Variants in ARHGEF38 observed in about 807,000 individuals in gnomAD.
ARHGEF38 encodes Rho guanine nucleotide exchange factor 38.
A neutral mutation model predicts 79.9 loss-of-function variants in ARHGEF38; 79 were observed. The observed-to-expected ratio is 0.99, with a 90% confidence interval of 0.82 to 1.19. The LOEUF (loss-of-function observed/expected upper bound fraction) is 1.19, where lower values mean the gene tolerates loss of function less well. Among genes scored for constraint, ARHGEF38 ranks in the 50% most tolerant of loss-of-function variants. ARHGEF38 has a pLI of 0.00. For missense variants in ARHGEF38, 962 were observed against 907.2 expected, an observed-to-expected ratio of 1.06 and a Z score of -0.78; for synonymous variants, 366 against 328.3, an observed-to-expected ratio of 1.11 and a Z score of -1.24.
chr4:105,615,218 T>G (rs569989389), intron 3 of ARHGEF38, among the ~76,000 whole-genome samples: 1 of 152,250 alleles, frequency 6.6e-6, no homozygotes, highest in South Asian at 2.1e-4. Context: ...TGGCAGCATT[T>G]GGAAATGAAG....
chr4:105,674,005 A>G (rs1731040264), intron 13 of ARHGEF38, among the ~76,000 whole-genome samples: 1 of 152,166 alleles, frequency 6.6e-6, no homozygotes, highest in South Asian at 2.1e-4. Context: ...GAAGATTAAC[A>G]TATATTATGA....
chr4:105,663,998 A>G (rs1336730984), intron 10 of ARHGEF38, among the ~76,000 whole-genome samples: 1 of 151,624 alleles, frequency 6.6e-6, no homozygotes, highest in Non-Finnish European at 1.5e-5. Flanking sequence ...ACAAAACAAA[A>G]CAAAAAAAAA....
At chr4:105,647,114 A>G (rs1729876312) in intron 6 of ARHGEF38, among the ~76,000 whole-genome samples, 2 of 152,176 alleles carry the variant, frequency 1.3e-5, no homozygotes, top group African/African-American at 4.8e-5. Flanking sequence ...GTTTTAGATA[A>G]TGGCTGTTAC....
chr4:105,636,017 G>T (rs957386275), intron 4 of ARHGEF38, among the ~76,000 whole-genome samples: 1 of 151,926 alleles, frequency 6.6e-6, no homozygotes, highest in Non-Finnish European at 1.5e-5. Context: ...TTTACAAAAT[G>T]CAGCTTAGGC....
intron 1 of ARHGEF38, among the ~76,000 whole-genome samples, chr4:105,557,411 A>G (rs746753206): frequency 2.7e-4 from 41 of 152,110 alleles, no homozygotes; most frequent in Admixed American, 6.6e-4. Context: ...TCTGAAAACC[A>G]TATATGAATT....
intron 1 of ARHGEF38, among the ~76,000 whole-genome samples, chr4:105,562,841 C>T (rs1327639652): frequency 6.6e-6 from 1 of 151,978 alleles, no homozygotes; most frequent in Admixed American, 6.6e-5. Context: ...GTGACCACCA[C>T]CTGGGGAAGA....
At chr4:105,571,566 G>T (rs1200255396) in intron 1 of ARHGEF38, among the ~76,000 whole-genome samples, 1 of 151,798 alleles carries the variant, frequency 6.6e-6, no homozygotes, top group African/African-American at 2.4e-5. Flanking sequence ...CAGGTGATCC[G>T]CCCGCCTCAG....
rs1408219265 is a variant in ARHGEF38 at position 105,667,551 on chromosome 4, A to G, written c.1996A>G (p.Ser666Gly). ...CTGTGACGATGATTTTGAGAACATCAGCCTCTTCGTGTCTTCACGGCCAGC... is the reference window on the plus strand; with the variant it reads ...CTGTGACGATGATTTTGAGAACATCGGCCTCTTCGTGTCTTCACGGCCAGC... Reference protein sequence around the residue: ...RFCDDDFENISLFVSSRPASD... With the variant: ...RFCDDDFENIGLFVSSRPASD... The change falls in exon 13 of 14, where the codon AGC becomes GGC. Residue 666 changes from serine (S) to glycine (G), a missense_variant. Ser to Gly is a moderately conservative substitution (Grantham distance 56, BLOSUM62 0). Coordinates refer to ENST00000420470, the MANE Select transcript of ARHGEF38 (RefSeq NM_001242729.2). The G allele has an allele frequency of 1.3e-6, 2 of 1,536,726 alleles. No homozygotes were observed. Among genetic ancestry groups the G allele is most frequent in the South Asian group, 2.4e-5 (2 of 84,062 alleles).
At chr4:105,597,409 C>T (rs1727630416) in intron 2 of ARHGEF38, among the ~76,000 whole-genome samples, 2 of 152,200 alleles carry the variant, frequency 1.3e-5, no homozygotes, top group South Asian at 4.1e-4. Flanking sequence ...TTTACTGTTT[C>T]CAGGAAGAAT....
At chr4:105,649,324 T>G (rs1729991587) in intron 7 of ARHGEF38, among the ~76,000 whole-genome samples, 1 of 152,176 alleles carries the variant, frequency 6.6e-6, no homozygotes, top group Non-Finnish European at 1.5e-5. Flanking sequence ...AACTTTAATG[T>G]GCATTAAGAA....
At chr4:105,631,684 T>C in intron 4 of ARHGEF38, 6 of 973,406 alleles carry the variant, frequency 6.2e-6, no homozygotes, top group Non-Finnish European at 7.3e-6. Context: ...TATTTCACTA[T>C]TAGCCCCTTT....
At chr4:105,671,809 C>T (rs1411013720) in intron 13 of ARHGEF38, among the ~76,000 whole-genome samples, 1 of 152,192 alleles carries the variant, frequency 6.6e-6, no homozygotes, top group Non-Finnish European at 1.5e-5. Context: ...TTATCAGGAA[C>T]ATCAGCTGAA....
intron 1 of ARHGEF38, among the ~76,000 whole-genome samples, chr4:105,575,656 A>C (rs1726459711): frequency 6.6e-6 from 1 of 152,112 alleles, no homozygotes; most frequent in Non-Finnish European, 1.5e-5. Flanking sequence ...TAGTTTAATC[A>C]GGTCTCATTT....
chr4:105,561,434 A>AGAATGGAATG (rs1725552731), intron 1 of ARHGEF38, among the ~76,000 whole-genome samples: 1 of 47,082 alleles, frequency 2.1e-5, no homozygotes, highest in African/African-American at 1.0e-4. Flanking sequence ...GGAATAGAAT[A>AGAATGGAATG]GAATAGAATA....
intron 1 of ARHGEF38, among the ~76,000 whole-genome samples, chr4:105,584,459 G>T (rs1270742092): frequency 6.6e-6 from 1 of 152,096 alleles, no homozygotes; most frequent in Non-Finnish European, 1.5e-5. Context: ...ACTTTATAAG[G>T]CTTTACTAAC....
chr4:105,587,200 C>T (rs1045210693), intron 1 of ARHGEF38, among the ~76,000 whole-genome samples: 4 of 152,084 alleles, frequency 2.6e-5, no homozygotes, highest in East Asian at 1.9e-4. Flanking sequence ...CCCAGTGCTT[C>T]GGGAAGCTCA....
At chr4:105,612,997 A>G (rs1728359620) in intron 2 of ARHGEF38, among the ~76,000 whole-genome samples, 1 of 152,140 alleles carries the variant, frequency 6.6e-6, no homozygotes, top group African/African-American at 2.4e-5. Flanking sequence ...CAGCTTTGAA[A>G]ATCGTTACTT....
rs765533563 is a variant in ARHGEF38, at chr4:105,667,294, G to C, written c.1855G>C (p.Gly619Arg). The change falls in exon 12 of 14, where the codon GGG (glycine) becomes CGG (arginine). Residue 619 changes from glycine to arginine, a missense_variant. Gly to Arg is a moderately radical substitution (Grantham distance 125). Coordinates refer to ENST00000420470, the MANE Select transcript of ARHGEF38 (RefSeq NM_001242729.2). ...VAVIEQKDPL[G>R]STSRWLVDTG... Reference sequence around the variant, plus strand: ...TGTGATAGAACAGAAAGATCCACTGGGGAGTACAAGCAGGTGGCTTGTGGA... The same window carrying C: ...TGTGATAGAACAGAAAGATCCACTGCGGAGTACAAGCAGGTGGCTTGTGGA... 9 of 1,536,026 alleles carry C rather than the reference G, an allele frequency of 5.9e-6. No individual in the cohort carries two copies. The South Asian group carries it at 1.1e-4, about 18-fold the overall frequency.
chr4:105,674,090 G>A (rs913600376), intron 13 of ARHGEF38, among the ~76,000 whole-genome samples: 12 of 152,040 alleles, frequency 7.9e-5, no homozygotes, highest in African/African-American at 2.4e-4. Flanking sequence ...TGTGGCTCAC[G>A]GAGGAAGGAA....
Sources: allele counts gnomAD v4.1 joint callset (sites outside exome capture counted in the v4.1 genomes callset), GRCh38; gene constraint gnomAD v4.1.1; transcripts MANE v1.5; gene names NCBI Gene and HGNC (gene_info 2026-07-23, HGNC 2026-07-21).